PKN3: variants seen among roughly 807,000 people sequenced by gnomAD.
PKN3 encodes the protein protein kinase N3.
Under a neutral mutation model 113.1 loss-of-function variants are expected in PKN3, and 91 were observed. The ratio of observed to expected loss-of-function variants is 0.80; its 90% CI spans 0.68 to 0.96. The LOEUF is 0.96. Ranked by LOEUF, PKN3 falls within the 40% of genes least tolerant of loss-of-function variation. The pLI is 0.00. For missense variants in PKN3, 1,052 were observed against 1,202.2 expected (o/e 0.88, Z 1.85); for synonymous variants, 467 against 499.0 (o/e 0.94, Z 0.85).
In PKN3 at chr9:128,715,468, G is replaced by T. The variant is rs375794900; in HGVS notation, c.1808+8G>T. ...CCGGGACGAGATAGAGAGGTGTGTG[G>T]GGGTGCCGCAGGGCACCCAGGATGG... On this transcript the variant is annotated splice_region_variant and intron_variant, in intron 15 of 21. Coordinates refer to ENST00000291906, the MANE Select transcript of PKN3 (RefSeq NM_013355.5). The surrounding 1 kb of genome is among the most constrained non-coding windows in gnomAD (Gnocchi z 4.1). 1.2e-6 allele frequency: 2 copies of T among 1,610,888 alleles called. No individual in the cohort carries two copies. Among genetic ancestry groups the T allele is most frequent in the African/African-American group, 2.7e-5 (2 of 74,978 alleles).
chr9:128,712,066 T>C (rs1483402652), intron 6 of PKN3, among the ~76,000 whole-genome samples: 4 of 152,182 alleles, frequency 2.6e-5, no homozygotes, highest in Non-Finnish European at 5.9e-5. Flanking sequence ...CCCACCATCA[T>C]GCCCGGCTGG....
At chr9:128,714,721 C>G in intron 12 of PKN3, 57 bp downstream of exon 12, 1 of 1,476,754 alleles carries the variant, frequency 6.8e-7, no homozygotes, top group South Asian at 1.1e-5. Flanking sequence ...GCAGGGCCAC[C>G]CAGCTGTGGG....
intron 6 of PKN3, among the ~76,000 whole-genome samples, chr9:128,710,397 G>A (rs1439504142): frequency 6.6e-6 from 1 of 152,012 alleles, no homozygotes; most frequent in Non-Finnish European, 1.5e-5. Context: ...CTACAGGGCC[G>A]ACTGACCCCA....
At position 128,713,480 on chromosome 9, in the gene PKN3, C is replaced by A. The variant is rs773906052; in HGVS notation, c.1093-19C>A. 4.3e-6 allele frequency: 7 copies of A among 1,613,858 alleles called. No individual in the cohort carries two copies. In the Admixed American group the frequency reaches 1.2e-4, roughly 27 times the overall value. On this transcript the variant is annotated intron_variant, in intron 8 of 21. Transcript: ENST00000291906. ...GCTCGTTCTGCACCCCACCCTTCAG[C>A]CTGGCCTCCCCAATACAGGCCCGTG...
intron 5 of PKN3, 49 bp from the exon 6 acceptor site, chr9:128,707,173 C>T: frequency 6.3e-7 from 1 of 1,581,302 alleles, no homozygotes; most frequent in Non-Finnish European, 8.6e-7. Flanking sequence ...GGGCTGCTGC[C>T]CCCTGCCATA....
In PKN3 at chr9:128,705,404, C is replaced by T. The variant is rs776178791; in HGVS notation, c.126C>T (p.Arg42=). The T allele has an allele frequency of 5.6e-6, 9 of 1,597,114 alleles. No homozygotes were observed. The highest frequency in any genetic ancestry group is 5.4e-5 in the African/African-American group (4 of 74,704). ...KIKEGVENLR[R]VATDRRHLGH... ...AGGAGGGGGTGGAGAACCTGCGGCG[C>T]GTGGCCACAGACCGCCGCCACTTGG... The change falls in exon 2 of 22, where the codon CGC becomes CGT. Residue 42 remains arginine, a synonymous_variant. Coordinates refer to ENST00000291906, the MANE Select transcript of PKN3 (RefSeq NM_013355.5).
At position 128,719,741 on chromosome 9, in the gene PKN3, TC is replaced by T; in HGVS notation, c.2184del (p.Glu729ArgfsTer3). 1 of 1,598,590 alleles carries T rather than the reference TC, an allele frequency of 6.3e-7. No individual in the cohort carries two copies. Among genetic ancestry groups the T allele is most frequent in the Non-Finnish European group, 8.5e-7 (1 of 1,171,552 alleles). On this transcript the variant is annotated frameshift_variant, in exon 19 of 22. Coordinates refer to ENST00000291906, the MANE Select transcript of PKN3 (RefSeq NM_013355.5). LOFTEE classifies it high-confidence loss of function. ...TCTGTGGCACCCCGGAGTTCCTGGCTCCCGAGGTGCTGACCCAGGAGGCATA... is the reference window on the plus strand; with the variant it reads ...TCTGTGGCACCCCGGAGTTCCTGGCTCCGAGGTGCTGACCCAGGAGGCATA... ...TFCGTPEFLA[P>X]EVLTQEAYTR... is the part of the protein sequence containing the mutation.
chr9:128,713,439 G>A (rs1862240970), intron 8 of PKN3, 52 bp downstream of exon 8: 1 of 1,612,542 alleles, frequency 6.2e-7, no homozygotes, highest in Non-Finnish European at 8.5e-7. Context: ...CGGGGTGGAA[G>A]GCTGCCCAGG....
At chr9:128,703,179 C>A (rs1243677095) in intron 1 of PKN3, among the ~76,000 whole-genome samples, 1 of 152,226 alleles carries the variant, frequency 6.6e-6, no homozygotes, top group Non-Finnish European at 1.5e-5. Flanking sequence ...GAGACTGAAC[C>A]CCAACCAGCC....
At chr9:128,709,517 C>T (rs1249928995) in intron 6 of PKN3, among the ~76,000 whole-genome samples, 5 of 151,264 alleles carry the variant, frequency 3.3e-5, no homozygotes, top group African/African-American at 7.3e-5. Context: ...TTTGGGAGGC[C>T]GAGGTGGGTG....
rs1341008019 is a variant in PKN3, at chr9:128,715,512, T to C, written c.1808+52T>C. Reference sequence around the variant, plus strand: ...AGGATGGCTGGCCTGGGCTGTGGCATCCAGAGGGCAGTTGAAGGTTCCTGG... The same window carrying C: ...AGGATGGCTGGCCTGGGCTGTGGCACCCAGAGGGCAGTTGAAGGTTCCTGG... On this transcript the variant is annotated intron_variant, in intron 15 of 21. Coordinates refer to ENST00000291906, the MANE Select transcript of PKN3 (RefSeq NM_013355.5). This position sits in a 1 kb window ranked among gnomAD's most constrained non-coding sequence, Gnocchi z 4.1. 7.1e-7 allele frequency: 1 copy of C among 1,400,072 alleles called. No homozygotes were observed. The highest frequency in any genetic ancestry group is 1.4e-5 in the African/African-American group (1 of 70,540). 86.7% of individuals were successfully genotyped at this position (1,400,072 alleles called of 1,614,324 possible). A position where few individuals can be genotyped will look rare whatever the true frequency, so the allele number is the denominator to read the frequency against.
intron 5 of PKN3, 76 bp downstream of exon 5, chr9:128,707,099 G>A (rs1862042737): frequency 6.2e-7 from 1 of 1,601,194 alleles, no homozygotes; most frequent in South Asian, 1.1e-5. Context: ...TGAAGGGAGG[G>A]TGGCCGTGTA....
Position 128,718,510 on chromosome 9 carries a change from G to T in PKN3, c.2049-39G>T, listed in dbSNP as rs750066490. The T allele has an allele frequency of 1.9e-6, 3 of 1,607,852 alleles. No individual in the cohort carries two copies. The Admixed American group carries it at 5.0e-5, about 27-fold the overall frequency. The stretch of plus-strand genomic sequence containing the variant: ...GGCCGTTACTGTTCCCTGGGTCTAA[G>T]CCCCACTCAGTCCCTTTGATCTGCA... On this transcript the variant is annotated intron_variant, in intron 17 of 21. Coordinates refer to ENST00000291906, the MANE Select transcript of PKN3 (RefSeq NM_013355.5).
chr9:128,703,450 C>G (rs921295390), intron 1 of PKN3: 93 of 985,200 alleles, frequency 9.4e-5, no homozygotes, highest in Non-Finnish European at 1.1e-4. Context: ...CCTCCCCCGC[C>G]CCAGGGCGGG....
chr9:128,703,802 C>T (rs1407143148), intron 1 of PKN3: 1 of 985,326 alleles, frequency 1.0e-6, no homozygotes, highest in Non-Finnish European at 1.2e-6. Flanking sequence ...GGTCTGCCCC[C>T]TCCCACCCCC....
At chr9:128,716,710 T>G in intron 15 of PKN3, 37 bp from the exon 16 acceptor site, 1 of 1,575,508 alleles carries the variant, frequency 6.3e-7, no homozygotes, top group Non-Finnish European at 8.7e-7. Context: ...CCAGGGAAAG[T>G]TTTCCTTCCC....
Position 128,720,321 on chromosome 9 carries a change from C to G in PKN3, c.2457+38C>G, listed in dbSNP as rs1289811817. 1 of 1,611,988 alleles carries G rather than the reference C, an allele frequency of 6.2e-7. No individual in the cohort carries two copies. The highest frequency in any genetic ancestry group is 2.2e-5 in the East Asian group (1 of 44,864). On this transcript the variant is annotated intron_variant, in intron 21 of 21. Transcript: ENST00000291906. The surrounding 1 kb of genome is among the most constrained non-coding windows in gnomAD (Gnocchi z 5.5). Reference sequence around the variant, plus strand: ...GGTGGCGGTGGTCCCCTGTGCCTGGCAGGGTAGGTGGCATGGAGTGACTCC... The same window carrying G: ...GGTGGCGGTGGTCCCCTGTGCCTGGGAGGGTAGGTGGCATGGAGTGACTCC...
chr9:128,712,950 C>A, intron 6 of PKN3, 102 bp from the exon 7 acceptor site: 1 of 1,305,832 alleles, frequency 7.7e-7, no homozygotes, highest in Non-Finnish European at 1.1e-6. Flanking sequence ...CTGGGTTCAG[C>A]CACCTCCTGG....
intron 1 of PKN3, chr9:128,703,692 C>A: frequency 1.0e-6 from 1 of 985,398 alleles, no homozygotes; most frequent in Non-Finnish European, 1.2e-6. Context: ...TGTTGGAGTT[C>A]CAACCCAGGG....
Sources: gnomAD v4.1 joint callset for allele counts (sites outside exome capture counted in the v4.1 genomes callset) on GRCh38, gnomAD v4.1.1 for gene constraint, Gnocchi (gnomAD v3.1) non-coding constraint, MANE v1.5 for transcripts, NCBI Gene and HGNC (gene_info 2026-07-23, HGNC 2026-07-21) for gene names.